Variants in CFAP221 observed in about 807,000 individuals in gnomAD.
CFAP221 encodes the protein cilia- and flagella-associated protein 221.
Under a neutral mutation model 113.1 loss-of-function variants are expected in CFAP221, and 97 were observed. The observed-to-expected ratio is 0.86, with a 90% confidence interval of 0.73 to 1.02. CFAP221 has a LOEUF of 1.02. Among genes scored for constraint, CFAP221 ranks in the 50% least tolerant of loss-of-function variants. CFAP221 has a pLI of 0.00. For synonymous variants in CFAP221, 331 were observed against 354.4 expected, an observed-to-expected ratio of 0.93 and a Z score of 0.74; for missense variants, 1,025 against 1,013.4, an observed-to-expected ratio of 1.01 and a Z score of -0.16.
intron 15 of CFAP221, 129 bp from the exon 16 acceptor site, chr2:119,627,518 GATATAT>G (rs57740311): frequency 0.67 from 320,838 of 477,762 alleles, 85,756 homozygotes; most frequent in Admixed American, 0.74. Context: ...AGTAAAAGTG[GATATAT>G]ATATATATAT....
intron 6 of CFAP221, among the ~76,000 whole-genome samples, chr2:119,584,133 G>A (rs1683037978): frequency 6.6e-6 from 1 of 152,134 alleles, no homozygotes; most frequent in African/African-American, 2.4e-5. Flanking sequence ...TTATAGTTTA[G>A]AGCAGATTTC....
intron 11 of CFAP221, among the ~76,000 whole-genome samples, chr2:119,607,231 A>G (rs1042647800): frequency 6.6e-6 from 1 of 152,218 alleles, no homozygotes; most frequent in African/African-American, 2.4e-5. Context: ...GACCTCAAGC[A>G]ATCCACTAGC....
chr2:119,617,423 AG>A (rs1685604147), intron 14 of CFAP221, among the ~76,000 whole-genome samples: 1 of 152,252 alleles, frequency 6.6e-6, no homozygotes, highest in East Asian at 1.9e-4. Flanking sequence ...CTGTGCTCCC[AG>A]GGAGGAAAGC....
At chr2:119,630,944 A>G in intron 19 of CFAP221, 43 bp downstream of exon 19, 1 of 1,602,816 alleles carries the variant, frequency 6.2e-7, no homozygotes, top group South Asian at 1.1e-5. Context: ...GTGTTCCTTT[A>G]TTTCAGCAAT....
intron 22 of CFAP221, among the ~76,000 whole-genome samples, chr2:119,647,611 G>A (rs569390610): frequency 3.3e-5 from 5 of 152,038 alleles, no homozygotes; most frequent in Non-Finnish European, 5.9e-5. Context: ...GCATTCGTAC[G>A]TCCAGCTCAC....
chr2:119,603,415 G>A (rs1684497533), intron 8 of CFAP221, among the ~76,000 whole-genome samples: 1 of 152,124 alleles, frequency 6.6e-6, no homozygotes, highest in South Asian at 2.1e-4. Flanking sequence ...GAGCATGTCG[G>A]TGGGTGGGAG....
intron 19 of CFAP221, among the ~76,000 whole-genome samples, chr2:119,635,538 G>A (rs1194018221): frequency 6.6e-6 from 1 of 152,144 alleles, no homozygotes. Context: ...GGGGCAGGAA[G>A]TGAGGATGGG....
At position 119,601,312 on chromosome 2, in the gene CFAP221, G is replaced by T. The variant is rs748186157; in HGVS notation, c.726G>T (p.Ser242=). ...AAATAAAAATGCAGTTATGGATTTC[G>T]CAGTTCAACTCTCAACCATACGAAT... is the stretch of plus-strand genomic sequence containing the variant. ...TAQIKMQLWI[S]QFNSQPYECV... is the part of the protein sequence containing the mutation. The change falls in exon 8 of 24, where the codon TCG becomes TCT. Residue 242 remains serine (S), a synonymous_variant. Transcript: ENST00000413369. 2.9e-5 allele frequency: 45 copies of T among 1,535,562 alleles called. No individual in the cohort carries two copies. The Admixed American group carries it at 5.1e-4, about 17-fold the overall frequency.
chr2:119,613,470 G>A (rs1462914487), intron 13 of CFAP221, among the ~76,000 whole-genome samples: 3 of 152,348 alleles, frequency 2.0e-5, no homozygotes, highest in South Asian at 4.2e-4. Context: ...CTGAAATCCA[G>A]ACAGAGTTTC....
intron 3 of CFAP221, among the ~76,000 whole-genome samples, chr2:119,551,913 C>G (rs1680459998): frequency 6.6e-6 from 1 of 152,136 alleles, no homozygotes; most frequent in Non-Finnish European, 1.5e-5. Flanking sequence ...GTCACTAGCC[C>G]TAGGATATTT....
At chr2:119,614,256 TC>T (rs1685373799) in intron 13 of CFAP221, among the ~76,000 whole-genome samples, 1 of 152,170 alleles carries the variant, frequency 6.6e-6, no homozygotes. Flanking sequence ...ACATTTTCCT[TC>T]TTCTGATCCC....
At chr2:119,573,552 A>C (rs1406411447) in intron 6 of CFAP221, 1 of 152,168 alleles carries the variant, frequency 6.6e-6, no homozygotes, top group African/African-American at 2.4e-5. Flanking sequence ...TCATTTAACA[A>C]CAGCCTAGCT....
intron 14 of CFAP221, among the ~76,000 whole-genome samples, chr2:119,622,714 A>G (rs1361568499): frequency 2.6e-5 from 4 of 152,216 alleles, no homozygotes; most frequent in Non-Finnish European, 5.9e-5. Context: ...CTGCTTCAAC[A>G]TATGCAAATC....
In CFAP221 at chr2:119,653,352, G is replaced by T. The variant is rs183302978; in HGVS notation, c.2414+1283G>T. On this transcript the variant is annotated intron_variant, in intron 23 of 23. Transcript: ENST00000413369. ...GCCAAGATCGCGCCATTGCACTCCA[G>T]CTGGGTGACAAGAGCAAAACTCCAT... is the stretch of plus-strand genomic sequence containing the variant. 9.6e-3 allele frequency among the ~76,000 whole-genome samples: 1,464 copies of T among 152,200 alleles called. 8 individuals are homozygous for T. The highest frequency in any genetic ancestry group is 0.014 in the Non-Finnish European group (947 of 68,016).
chr2:119,624,644 A>C (rs1686166729), intron 14 of CFAP221, among the ~76,000 whole-genome samples: 1 of 152,300 alleles, frequency 6.6e-6, no homozygotes, highest in Admixed American at 6.5e-5. Context: ...TGATAGACTG[A>C]ATAAAGAAAA....
At chr2:119,544,781 T>C (rs1247212579) in intron 1 of CFAP221, among the ~76,000 whole-genome samples, 4 of 149,492 alleles carry the variant, frequency 2.7e-5, no homozygotes, top group Non-Finnish European at 6.0e-5. Context: ...CTGCCCGGGG[T>C]GAGAGAATGG....
intron 4 of CFAP221, 69 bp downstream of exon 4, chr2:119,559,844 G>C: frequency 6.8e-7 from 1 of 1,476,318 alleles, no homozygotes; most frequent in Non-Finnish European, 9.2e-7. Context: ...TGTGGGGTGG[G>C]GGGTGTGTGG....
At chr2:119,581,079 C>G (rs1293681721) in intron 6 of CFAP221, 1 of 152,204 alleles carries the variant, frequency 6.6e-6, no homozygotes, top group African/African-American at 2.4e-5. Context: ...ACTAAAATAG[C>G]TGGCTGGCAG....
chr2:119,641,424 G>A lies in CFAP221; in HGVS notation c.2225+1552G>A, dbSNP rs548645217. Among the ~76,000 whole-genome samples, 12 of 152,150 alleles carry A rather than the reference G, an allele frequency of 7.9e-5. No individual in the cohort carries two copies. The South Asian group carries it at 2.3e-3, about 29-fold the overall frequency. ...TACATTTTTAGCATATTTCTAGAAT[G>A]TCAAATCTCCAGAACTGGCGGGAAC... On this transcript the variant is annotated intron_variant, in intron 21 of 23. Transcript: ENST00000413369.
Sources: allele counts gnomAD v4.1 joint callset (sites outside exome capture counted in the v4.1 genomes callset), GRCh38; gene constraint gnomAD v4.1.1; transcripts MANE v1.5; gene names NCBI Gene and HGNC (gene_info 2026-07-23, HGNC 2026-07-21).